Variants in PHF12 observed in about 807,000 individuals in gnomAD.
PHF12 encodes PHD finger protein 12, also known as PHD factor 1.
PHF12 carries 6 observed loss-of-function variants against 99.8 expected under a neutral mutation model. That is an observed-to-expected ratio of 0.06 (90% CI 0.03 to 0.12). The LOEUF (loss-of-function observed/expected upper bound fraction) is 0.12, where lower values mean the gene tolerates loss of function less well. Among genes scored for constraint, PHF12 ranks in the 10% least tolerant of loss-of-function variants. The pLI, the probability that PHF12 is intolerant of heterozygous loss-of-function variation, is 1.00. For synonymous variants in PHF12, 480 were observed against 514.9 expected, an observed-to-expected ratio of 0.93 and a Z score of 0.92; for missense variants, 954 against 1,300.1, an observed-to-expected ratio of 0.73 and a Z score of 4.09.
At chr17:28,919,064 G>A (rs2040110584) in intron 6 of PHF12, 79 bp downstream of exon 6, 6 of 1,498,892 alleles carry the variant, frequency 4.0e-6, no homozygotes, top group Non-Finnish European at 5.4e-6. Context: ...GCACCAAGCT[G>A]ACCTTAATAT....
intron 7 of PHF12, 147 bp downstream of exon 7, chr17:28,917,138 T>G (rs1204153756): frequency 9.6e-7 from 1 of 1,046,124 alleles, no homozygotes; most frequent in African/African-American, 1.6e-5. Flanking sequence ...AGTATTAAAA[T>G]GAAGGTCACA....
chr17:28,917,143 G>T, intron 7 of PHF12, 142 bp downstream of exon 7: 1 of 1,095,954 alleles, frequency 9.1e-7, no homozygotes, highest in Non-Finnish European at 1.3e-6. Flanking sequence ...TAAAATGAAG[G>T]TCACACTCAT....
chr17:28,910,263 C>T lies in PHF12; in HGVS notation c.2322G>A (p.Gly774=), dbSNP rs766668396. 2.5e-6 allele frequency: 4 copies of T among 1,614,070 alleles called. No homozygotes were observed. In the African/African-American group the frequency reaches 5.3e-5, roughly 22 times the overall value. ...SRVQPSPGSV[G]THQLASGGHH... ...GCCCTCCAGAAGCCAGCTGATGTGT[C>T]CCGACACTGCCCGGTGAAGGTTGGA... Residue 774 remains glycine, a synonymous_variant, in exon 11 of 15, where the codon GGG becomes GGA. Transcript: ENST00000332830.
At position 28,905,984 on chromosome 17, in the gene PHF12, T is replaced by A. The variant is rs2039864797; in HGVS notation, c.*199A>T. On this transcript the variant is annotated 3_prime_UTR_variant, in exon 15 of 15. Transcript: ENST00000332830. ...ATGAAATGTTGAGTACAAATATATG[T>A]GCAAATGCCCCCTAGAACTTGAGAA... is the stretch of plus-strand genomic sequence containing the variant. 4 of 578,714 alleles carry A rather than the reference T, an allele frequency of 6.9e-6. No individual in the cohort carries two copies. The highest frequency in any genetic ancestry group is 1.2e-5 in the Non-Finnish European group (4 of 344,348). The allele number at this position is 578,714 out of a possible 1,614,324, so 35.8% of individuals were successfully genotyped here. A position where few individuals can be genotyped will look rare whatever the true frequency, so the allele number is the denominator to read the frequency against.
rs540819485 is a variant in PHF12 at position 28,906,897 on chromosome 17, G to A, written c.2639C>T (p.Thr880Ile). 2 of 1,612,664 alleles carry A rather than the reference G, an allele frequency of 1.2e-6. No individual in the cohort carries two copies. Among genetic ancestry groups the A allele is most frequent in the Admixed American group, 3.3e-5 (2 of 59,796 alleles). ...SCDFSEKTPPTPPSSIVAKVQ... is the reference protein window; with the variant it reads ...SCDFSEKTPPIPPSSIVAKVQ... The stretch of plus-strand genomic sequence containing the variant: ...TTTGGCAACAATACTGCTTGGGGGG[G>A]TTGGCGGGGTCTTCTCCGAGAAGTC... The change falls in exon 14 of 15, where the codon ACC (threonine) becomes ATC (isoleucine). Residue 880 changes from threonine to isoleucine, a missense_variant. Around this residue, in one of 8 missense-constraint regions of PHF12, gnomAD observed 136 missense variants for 172.3 expected, o/e 0.79. Coordinates refer to ENST00000332830, the MANE Select transcript of PHF12 (RefSeq NM_001033561.2). The surrounding 1 kb of genome is among the most constrained non-coding windows in gnomAD (Gnocchi z 4.2).
chr17:28,910,091 C>A (rs752729552), intron 11 of PHF12, 135 bp downstream of exon 11: 16 of 1,327,690 alleles, frequency 1.2e-5, no homozygotes, highest in Non-Finnish European at 1.7e-5. Context: ...AACCATGGTG[C>A]TTTATTAAGC....
At chr17:28,930,284 T>C (rs1469243992) in intron 2 of PHF12, among the ~76,000 whole-genome samples, 3 of 152,224 alleles carry the variant, frequency 2.0e-5, no homozygotes, top group Non-Finnish European at 4.4e-5. Context: ...AGTCTCTGGT[T>C]CCACAGAGCA....
rs1491183033 is a variant in PHF12, at chr17:28,923,651, C to CAAAA, written c.715+257_715+258insTTTT. 5.6e-3 allele frequency among the ~76,000 whole-genome samples: 122 copies of CAAAA among 21,968 alleles called. 11 individuals are homozygous for CAAAA. The highest frequency in any genetic ancestry group is 0.025 in the African/African-American group (109 of 4,344). The allele number at this position is 21,968 out of a possible 152,430, so 14.4% of individuals were successfully genotyped here. On this transcript the variant is annotated intron_variant, in intron 4 of 14. Transcript: ENST00000332830. ...CTAGCCTGAGTGACAAAGTGAGACTCACAAAAAAAAAAAAAAAAAAAAAAG... is the reference window on the plus strand; with the variant it reads ...CTAGCCTGAGTGACAAAGTGAGACTCAAAAACAAAAAAAAAAAAAAAAAAAAAAG...
chr17:28,949,118 G>A lies in PHF12; in HGVS notation c.248+947C>T, dbSNP rs1419795557. 6.6e-6 allele frequency among the ~76,000 whole-genome samples: 1 copy of A among 152,144 alleles called. No individual in the cohort carries two copies. The highest frequency in any genetic ancestry group is 2.4e-5 in the African/African-American group (1 of 41,424). ...GTCCAGTAAGGGGGAAAAAGCGTAC[G>A]GCTTTCCAGCTCTCAGCTCCTTAAA... On this transcript the variant is annotated intron_variant, in intron 2 of 14. Transcript: ENST00000332830. The surrounding 1 kb of genome is among the most constrained non-coding windows in gnomAD (Gnocchi z 4.6).
intron 9 of PHF12, chr17:28,912,149 C>A: frequency 8.9e-7 from 1 of 1,129,150 alleles, no homozygotes; most frequent in Non-Finnish European, 1.1e-6. Flanking sequence ...ACCCTGCCTT[C>A]TTTTAAGGTG....
chr17:28,923,349 C>CTT lies in PHF12; in HGVS notation c.715+558_715+559dup, dbSNP rs34484770. ...TTTTGAACCATGTGAATGTATAATA[C>CTT]TTTTTTTTTTTAAAAGATAATTCTG... On this transcript the variant is annotated intron_variant, in intron 4 of 14. Transcript: ENST00000332830. 4.2e-3 allele frequency among the ~76,000 whole-genome samples: 626 copies of CTT among 147,364 alleles called. 5 individuals are homozygous for CTT. The highest frequency in any genetic ancestry group is 3.7e-3 in the Admixed American group (55 of 14,786).
intron 4 of PHF12, 103 bp downstream of exon 4, chr17:28,923,806 G>T: frequency 7.3e-7 from 1 of 1,370,616 alleles, no homozygotes; most frequent in Non-Finnish European, 9.8e-7. Context: ...AGGAACCCAA[G>T]ACAGTAGCTA....
chr17:28,947,820 T>G (rs1051997343), intron 2 of PHF12, among the ~76,000 whole-genome samples: 4 of 152,030 alleles, frequency 2.6e-5, no homozygotes, highest in African/African-American at 9.7e-5. Flanking sequence ...GAATTGGAGA[T>G]GTGAAACAAG....
Position 28,906,060 on chromosome 17 carries a change from A to G in PHF12, c.*123T>C. 1 of 942,340 alleles carries G rather than the reference A, an allele frequency of 1.1e-6. No homozygotes were observed. The highest frequency in any genetic ancestry group is 1.5e-6 in the Non-Finnish European group (1 of 665,112). 58.4% of individuals were successfully genotyped at this position (942,340 alleles called of 1,614,324 possible). A position where few individuals can be genotyped will look rare whatever the true frequency, so the allele number is the denominator to read the frequency against. On this transcript the variant is annotated 3_prime_UTR_variant, in exon 15 of 15. Transcript: ENST00000332830. This position sits in a 1 kb window ranked among gnomAD's most constrained non-coding sequence, Gnocchi z 4.2. ...TCAAAAGGTTTTCTTCATTTCATGC[A>G]AAGATTGTAGTTGAAGGGTTTCTGG...
intron 7 of PHF12, among the ~76,000 whole-genome samples, chr17:28,915,529 C>G (rs890728901): frequency 2.0e-5 from 3 of 152,028 alleles, no homozygotes; most frequent in African/African-American, 7.3e-5. Flanking sequence ...TCACCATGGG[C>G]TGGTGATGGC....
At chr17:28,919,327 A>G in intron 5 of PHF12, 52 bp from the exon 6 acceptor site, 1 of 1,587,550 alleles carries the variant, frequency 6.3e-7, no homozygotes, top group Non-Finnish European at 8.6e-7. Flanking sequence ...GAAAATTCAA[A>G]CTAACTTTGA....
Position 28,926,872 on chromosome 17 carries a change from G to T in PHF12, c.321+119C>A, listed in dbSNP as rs893438456. 11 of 1,571,248 alleles carry T rather than the reference G, an allele frequency of 7.0e-6. 1 individual carries two copies. The highest frequency in any genetic ancestry group is 2.6e-6 in the Non-Finnish European group (3 of 1,160,872). ...CATGGGAAGAGTGGGGTGATTCCAG[G>T]GCTGGAAGAGACAAGAAGAAGGGAC... On this transcript the variant is annotated intron_variant, in intron 3 of 14. Coordinates refer to ENST00000332830, the MANE Select transcript of PHF12 (RefSeq NM_001033561.2).
At chr17:28,910,979 C>T in intron 10 of PHF12, 133 bp downstream of exon 10, 1 of 1,324,886 alleles carries the variant, frequency 7.5e-7, no homozygotes, top group Non-Finnish European at 1.0e-6. Flanking sequence ...AAGGATACTC[C>T]TCATTCCCAT....
chr17:28,919,737 T>C (rs865862636), intron 5 of PHF12, among the ~76,000 whole-genome samples: 10 of 152,110 alleles, frequency 6.6e-5, no homozygotes, highest in African/African-American at 2.4e-4. Flanking sequence ...AGAGACTCTA[T>C]CTCAAACAAA....
Sources: gnomAD v4.1 joint callset for allele counts (sites outside exome capture counted in the v4.1 genomes callset) on GRCh38, gnomAD v4.1.1 for gene constraint, gnomAD v4.1.1 regional missense constraint, Gnocchi (gnomAD v3.1) non-coding constraint, MANE v1.5 for transcripts, NCBI Gene and HGNC (gene_info 2026-07-23, HGNC 2026-07-21) for gene names.